The following TRERF1 variants were observed in gnomAD, a reference collection of about 807,000 sequenced individuals.
TRERF1 encodes transcriptional-regulating factor 1.
A neutral mutation model predicts 122.9 loss-of-function variants in TRERF1; 27 were observed. That is an observed-to-expected ratio of 0.22 (90% CI 0.16 to 0.30). TRERF1 has a LOEUF of 0.30. Ranked by LOEUF, TRERF1 falls within the 10% of genes least tolerant of loss-of-function variation. The probability of loss-of-function intolerance (pLI) is 1.00; values close to 1 mark genes in which losing one functional copy is unlikely to be tolerated. For missense variants in TRERF1, 1,248 were observed against 1,560.3 expected, an observed-to-expected ratio of 0.80 and a Z score of 3.37; for synonymous variants, 636 against 641.7, an observed-to-expected ratio of 0.99 and a Z score of 0.13.
intron 8 of TRERF1, among the ~76,000 whole-genome samples, chr6:42,262,437 AGAGAGAGAGAGAGAGAGAGAGAGAGAGAG>A (rs1778189219): frequency 3.6e-4 from 3 of 8,238 alleles, no homozygotes; most frequent in Admixed American, 1.0e-3. Flanking sequence ...CTAGGGGCAG[AGAGAGAGAGAGAGAGAGAGAGAGAGAGAG>A]GAGAGAGAGA....
intron 4 of TRERF1, among the ~76,000 whole-genome samples, chr6:42,299,118 C>CTGTCTGTCTG (rs1561938851): frequency 1.1e-4 from 13 of 114,966 alleles, no homozygotes; most frequent in African/African-American, 2.4e-4. Context: ...CTGTCTGTCT[C>CTGTCTGTCTG]TATCTATCTA....
intron 3 of TRERF1, among the ~76,000 whole-genome samples, chr6:42,345,695 G>A (rs1768132870): frequency 6.6e-6 from 1 of 152,132 alleles, no homozygotes. Context: ...AATCCACTTT[G>A]CATAAAAAGC....
chr6:42,238,870 C>CACAA (rs1554124320), intron 15 of TRERF1, among the ~76,000 whole-genome samples: 2,012 of 148,940 alleles, frequency 0.014, 24 homozygotes, highest in African/African-American at 0.041. Context: ...CACACACACA[C>CACAA]AATTTCTAGT....
chr6:42,405,579 G>A (rs911453645), intron 2 of TRERF1, among the ~76,000 whole-genome samples: 1 of 152,180 alleles, frequency 6.6e-6, no homozygotes, highest in Admixed American at 6.5e-5. Context: ...CAGATCACCC[G>A]AGGTCAGGAG....
chr6:42,370,318 C>T (rs1202747701), intron 2 of TRERF1, among the ~76,000 whole-genome samples: 6 of 152,108 alleles, frequency 3.9e-5, no homozygotes, highest in Non-Finnish European at 8.8e-5. Context: ...TAAATGTAAA[C>T]GATATCTGAG....
chr6:42,398,224 C>G (rs1778902836), intron 2 of TRERF1, among the ~76,000 whole-genome samples: 2 of 152,142 alleles, frequency 1.3e-5, no homozygotes, highest in Non-Finnish European at 2.9e-5. Context: ...AATACCAGCC[C>G]TCTCCTAATG....
chr6:42,360,681 C>T (rs1389925389), intron 3 of TRERF1, among the ~76,000 whole-genome samples: 1 of 151,362 alleles, frequency 6.6e-6, no homozygotes, highest in African/African-American at 2.4e-5. Context: ...CTACACACCC[C>T]CAGCCTCCCC....
At chr6:42,306,736 C>T (rs1381516267) in intron 3 of TRERF1, among the ~76,000 whole-genome samples, 1 of 152,232 alleles carries the variant, frequency 6.6e-6, no homozygotes, top group South Asian at 2.1e-4. Context: ...ATCTGTCAGG[C>T]TATAGCTTTG....
chr6:42,235,616 ATTTACT>A (rs946791590), intron 16 of TRERF1, among the ~76,000 whole-genome samples: 7 of 152,192 alleles, frequency 4.6e-5, no homozygotes, highest in African/African-American at 1.7e-4. Flanking sequence ...TATATGATTA[ATTTACT>A]TTTAGTAAAT....
At chr6:42,380,054 G>A (rs1775646925) in intron 2 of TRERF1, among the ~76,000 whole-genome samples, 1 of 152,226 alleles carries the variant, frequency 6.6e-6, no homozygotes, top group Non-Finnish European at 1.5e-5. Context: ...CGACGGTTGG[G>A]GCAGAGGTCT....
intron 3 of TRERF1, among the ~76,000 whole-genome samples, chr6:42,315,664 A>C: frequency 6.6e-6 from 1 of 151,230 alleles, no homozygotes; most frequent in African/African-American, 2.4e-5. Flanking sequence ...CCTTCAAGAG[A>C]CCAGGTGGGG....
chr6:42,294,950 G>C (rs1177484302), intron 4 of TRERF1, among the ~76,000 whole-genome samples: 3 of 152,116 alleles, frequency 2.0e-5, no homozygotes, highest in Non-Finnish European at 1.5e-5. Flanking sequence ...GAATACAGAA[G>C]GGGCAGGAAG....
chr6:42,308,802 G>A (rs1787736707), intron 3 of TRERF1, among the ~76,000 whole-genome samples: 1 of 152,160 alleles, frequency 6.6e-6, no homozygotes, highest in Non-Finnish European at 1.5e-5. Flanking sequence ...AGGGCAGGAG[G>A]AGGGAGAGGA....
At chr6:42,412,000 CTTTTT>C (rs5875801) in intron 2 of TRERF1, among the ~76,000 whole-genome samples, 1 of 125,290 alleles carries the variant, frequency 8.0e-6, no homozygotes, top group African/African-American at 3.1e-5. Flanking sequence ...TTAAAAAATC[CTTTTT>C]TTTTTTTTTT....
At chr6:42,448,891 G>A (rs763933964) in intron 2 of TRERF1, among the ~76,000 whole-genome samples, 5 of 152,052 alleles carry the variant, frequency 3.3e-5, no homozygotes, top group Admixed American at 6.5e-5. Context: ...AAAAAATAAC[G>A]CTTTCGGTTA....
At chr6:42,258,199 T>C in exon 10 of TRERF1, 1 of 1,614,186 alleles carries the variant, frequency 6.2e-7, no homozygotes, top group Non-Finnish European at 8.5e-7. Context: ...CCATCGATGC[T>C]GTCTAAAACA....
chr6:42,268,052 C>G lies in TRERF1; in HGVS notation c.1437+102G>C. On this transcript the variant is annotated intron_variant, in intron 5 of 17. Coordinates refer to ENST00000372922, the Ensembl canonical transcript of TRERF1. This position sits in a 1 kb window ranked among gnomAD's most constrained non-coding sequence, Gnocchi z 4.4. ...TAATGTTTGTGGAATTAGTAAAGAA[C>G]AAAAGGGTTGAGGGGGCTTGGAGAG... The G allele has an allele frequency of 7.6e-7, 1 of 1,316,936 alleles. No individual in the cohort carries two copies. The allele number at this position is 1,316,936 out of a possible 1,614,324, so 81.6% of individuals were successfully genotyped here.
At chr6:42,354,025 T>C (rs1770021289) in intron 3 of TRERF1, among the ~76,000 whole-genome samples, 1 of 152,224 alleles carries the variant, frequency 6.6e-6, no homozygotes, top group Non-Finnish European at 1.5e-5. Flanking sequence ...AGCTAGAATA[T>C]ATGTACCCAT....
At chr6:42,308,715 A>G (rs113146264) in intron 3 of TRERF1, among the ~76,000 whole-genome samples, 2,250 of 152,296 alleles carry the variant, frequency 0.015, 42 homozygotes, top group African/African-American at 0.042. Context: ...GTTCTTACTT[A>G]TAAGTGGGAG....
Sources: allele counts gnomAD v4.1 joint callset (sites outside exome capture counted in the v4.1 genomes callset), GRCh38; gene constraint gnomAD v4.1.1; non-coding constraint Gnocchi (gnomAD v3.1); transcripts MANE v1.5; gene names NCBI Gene and HGNC (gene_info 2026-07-23, HGNC 2026-07-21).